SLF1: variants seen among roughly 807,000 people sequenced by gnomAD.
SLF1 encodes the protein SMC5-SMC6 complex localization factor protein 1.
Under a neutral mutation model 123.0 loss-of-function variants are expected in SLF1, and 105 were observed. That is an observed-to-expected ratio of 0.85 (90% CI 0.73 to 1.00). The LOEUF (loss-of-function observed/expected upper bound fraction) is 1.00. Among genes scored for constraint, SLF1 ranks in the 50% least tolerant of loss-of-function variants. The pLI is 0.00. For synonymous variants in SLF1, 434 were observed against 406.6 expected (o/e 1.07, Z -0.81); for missense variants, 1,239 against 1,223.0 (o/e 1.01, Z -0.20).
chr5:94,687,016 G>A (rs13353994), intron 16 of SLF1, among the ~76,000 whole-genome samples: 38,277 of 151,978 alleles, frequency 0.25, 5,169 homozygotes, highest in Non-Finnish European at 0.29. Flanking sequence ...TGCCTGCCTC[G>A]GCCTCCCAAA....
Position 94,662,299 on chromosome 5 carries a change from C to T in SLF1, c.1157C>T (p.Ala386Val). The change falls in exon 10 of 21, where the codon GCT becomes GTT. Residue 386 changes from alanine (A) to valine (V), a missense_variant and splice_region_variant. Transcript: ENST00000265140. ...AATTATATGGTTGCTCTTTTGTAGGCTGTCAGATACAACTGCATTAGAATA... is the reference window on the plus strand; with the variant it reads ...AATTATATGGTTGCTCTTTTGTAGGTTGTCAGATACAACTGCATTAGAATA... Reference protein sequence around the residue: ...TLRKHIYRAQAVRYNCIRIDK... With the variant: ...TLRKHIYRAQVVRYNCIRIDK... 1 of 1,547,134 alleles carries T rather than the reference C, an allele frequency of 6.5e-7. No individual in the cohort carries two copies. Among genetic ancestry groups the T allele is most frequent in the Non-Finnish European group, 8.7e-7 (1 of 1,144,490 alleles).
At chr5:94,692,481 C>T (rs539258775) in intron 20 of SLF1, among the ~76,000 whole-genome samples, 1 of 151,874 alleles carries the variant, frequency 6.6e-6, no homozygotes, top group South Asian at 2.1e-4. Context: ...TATTATTAAG[C>T]CTATTTAGGT....
intron 13 of SLF1, among the ~76,000 whole-genome samples, 171 bp from the exon 14 acceptor site, chr5:94,670,672 T>G (rs1487627943): frequency 6.6e-6 from 1 of 151,912 alleles, no homozygotes; most frequent in Admixed American, 6.5e-5. Flanking sequence ...AGTGACTTTA[T>G]TGAACTGGGG....
At chr5:94,664,290 T>G (rs1277785118) in intron 11 of SLF1, among the ~76,000 whole-genome samples, 2 of 152,204 alleles carry the variant, frequency 1.3e-5, no homozygotes, top group Non-Finnish European at 2.9e-5. Context: ...ATAATGAACA[T>G]ACTCTTTGTT....
At chr5:94,664,657 A>G (rs1325020206) in intron 11 of SLF1, among the ~76,000 whole-genome samples, 2 of 147,922 alleles carry the variant, frequency 1.4e-5, no homozygotes, top group African/African-American at 2.5e-5. Context: ...AGCATGTTGC[A>G]TGAATAGTTT....
At chr5:94,659,561 G>A (rs990856465) in intron 9 of SLF1, among the ~76,000 whole-genome samples, 1 of 152,196 alleles carries the variant, frequency 6.6e-6, no homozygotes, top group Non-Finnish European at 1.5e-5. Context: ...GAGCACATTG[G>A]TGTAGTCTCC....
At position 94,695,289 on chromosome 5, in the gene SLF1, C is replaced by T. The variant is rs745656993; in HGVS notation, c.3154C>T (p.Arg1052Trp). 8.7e-6 allele frequency: 14 copies of T among 1,609,586 alleles called. 1 individual carries two copies. The Admixed American group carries it at 1.5e-4, about 17-fold the overall frequency. The change falls in exon 21 of 21, where the codon CGG becomes TGG. Residue 1052 changes from arginine (R) to tryptophan (W), a missense_variant. Physicochemically the swap from Arg to Trp is moderately radical, Grantham distance 101. Coordinates refer to ENST00000265140, the MANE Select transcript of SLF1 (RefSeq NM_032290.4). ...GATGATAACATTGGAAATGATGTGT[C>T]GGTCAGTCATGGAGTTTTCATGATG... is the stretch of plus-strand genomic sequence containing the variant. ...ALMITLEMMC[R>W]SVMEFS
chr5:94,652,743 A>G (rs1747887002), intron 7 of SLF1, among the ~76,000 whole-genome samples: 1 of 152,212 alleles, frequency 6.6e-6, no homozygotes. Context: ...GCTGGGTCAT[A>G]AGGAGTGTGC....
intron 5 of SLF1, among the ~76,000 whole-genome samples, chr5:94,646,469 G>A (rs946560161): frequency 1.3e-5 from 2 of 152,266 alleles, no homozygotes; most frequent in African/African-American, 4.8e-5. Context: ...TAGCAATGGA[G>A]AAAAAGCATG....
chr5:94,672,158 CTTA>C (rs1750537180), intron 14 of SLF1, among the ~76,000 whole-genome samples: 2 of 151,994 alleles, frequency 1.3e-5, no homozygotes, highest in Admixed American at 6.6e-5. Flanking sequence ...CTAATGACAC[CTTA>C]TTATTCATAA....
intron 4 of SLF1, among the ~76,000 whole-genome samples, chr5:94,639,313 T>A (rs1449398205): frequency 6.6e-6 from 1 of 152,230 alleles, no homozygotes. Context: ...GTGCTGGGAT[T>A]ACAGGCGTGA....
intron 18 of SLF1, among the ~76,000 whole-genome samples, chr5:94,689,923 T>C (rs914620979): frequency 6.6e-6 from 1 of 152,202 alleles, no homozygotes; most frequent in Admixed American, 6.5e-5. Context: ...TCTCAACCTG[T>C]GCTGCTTAGG....
chr5:94,668,858 G>A (rs1192561273), intron 12 of SLF1, among the ~76,000 whole-genome samples: 1 of 152,028 alleles, frequency 6.6e-6, no homozygotes, highest in Non-Finnish European at 1.5e-5. Flanking sequence ...TTCACATCAG[G>A]CCTATGACTT....
intron 7 of SLF1, among the ~76,000 whole-genome samples, chr5:94,652,572 G>A (rs1403678757): frequency 1.3e-5 from 2 of 152,038 alleles, no homozygotes; most frequent in Non-Finnish European, 2.9e-5. Flanking sequence ...CTGTTGATAA[G>A]CCTTTGGGCT....
intron 17 of SLF1, 96 bp downstream of exon 17, chr5:94,688,765 T>G: frequency 7.4e-7 from 1 of 1,346,678 alleles, no homozygotes; most frequent in Non-Finnish European, 1.0e-6. Flanking sequence ...TGATACTGTC[T>G]GAATTATACT....
At chr5:94,683,930 G>A (rs994149227) in intron 15 of SLF1, among the ~76,000 whole-genome samples, 2 of 152,182 alleles carry the variant, frequency 1.3e-5, no homozygotes, top group African/African-American at 2.4e-5. Flanking sequence ...AGGACTACAA[G>A]TATGACCCTT....
intron 14 of SLF1, among the ~76,000 whole-genome samples, chr5:94,677,764 TTCTTCA>T (rs1396365941): frequency 3.9e-5 from 6 of 152,206 alleles, no homozygotes; most frequent in African/African-American, 1.2e-4. Flanking sequence ...ATTTTCACAC[TTCTTCA>T]TCTTCATAGT....
intron 10 of SLF1, 138 bp downstream of exon 10, chr5:94,662,489 G>A (rs1281645275): frequency 1.6e-6 from 1 of 628,830 alleles, no homozygotes; most frequent in South Asian, 5.2e-5. Flanking sequence ...AAGAAATATA[G>A]CTTCTCTAAT....
At chr5:94,667,524 T>C (rs1275828161) in intron 12 of SLF1, among the ~76,000 whole-genome samples, 1 of 152,188 alleles carries the variant, frequency 6.6e-6, no homozygotes, top group African/African-American at 2.4e-5. Flanking sequence ...AAAGTGATCT[T>C]GTCATTTCCC....
Sources: allele counts gnomAD v4.1 joint callset (sites outside exome capture counted in the v4.1 genomes callset), GRCh38; gene constraint gnomAD v4.1.1; transcripts MANE v1.5; gene names NCBI Gene and HGNC (gene_info 2026-07-23, HGNC 2026-07-21).